Variants in MARK2 observed in about 807,000 individuals in gnomAD.
The protein encoded by MARK2 is serine/threonine-protein kinase MARK2.
A neutral mutation model predicts 89.8 loss-of-function variants in MARK2; 16 were observed. That is an observed-to-expected ratio of 0.18 (90% confidence interval 0.12 to 0.27). The LOEUF (loss-of-function observed/expected upper bound fraction) is 0.27. MARK2 is among the 10% of genes least tolerant of loss of function. The pLI is 1.00. For missense variants in MARK2, 621 were observed against 1,049.9 expected, an observed-to-expected ratio of 0.59 and a Z score of 5.65; for synonymous variants, 382 against 399.5, an observed-to-expected ratio of 0.96 and a Z score of 0.52.
intron 1 of MARK2, among the ~76,000 whole-genome samples, chr11:63,843,500 A>G (rs1189329440): frequency 6.6e-6 from 1 of 152,184 alleles, no homozygotes; most frequent in Non-Finnish European, 1.5e-5. Flanking sequence ...AGTTCTAGGA[A>G]GGGGAGTTTA....
At chr11:63,863,904 G>T (rs1418693644) in intron 1 of MARK2, among the ~76,000 whole-genome samples, 1 of 151,928 alleles carries the variant, frequency 6.6e-6, no homozygotes, top group Non-Finnish European at 1.5e-5. Context: ...TGAGCACCTG[G>T]GGACTAATAG....
intron 1 of MARK2, among the ~76,000 whole-genome samples, chr11:63,886,794 T>C (rs988086194): frequency 5.9e-5 from 9 of 152,250 alleles, no homozygotes; most frequent in South Asian, 2.1e-4. Context: ...CAGTGCTTTG[T>C]ATTTCCTCAG....
chr11:63,849,069 A>G (rs555208288), intron 1 of MARK2, among the ~76,000 whole-genome samples: 16 of 152,182 alleles, frequency 1.1e-4, no homozygotes, highest in African/African-American at 3.6e-4. Flanking sequence ...CAGTGGTGTG[A>G]TCATAGCCCA....
chr11:63,846,787 C>G lies in MARK2; in HGVS notation c.54+7227C>G, dbSNP rs374922437. Among the ~76,000 whole-genome samples the G allele has an allele frequency of 1.4e-3, 216 of 152,054 alleles. 1 individual carries two copies. The highest frequency in any genetic ancestry group is 4.9e-3 in the African/African-American group (203 of 41,450). ...TCTCCTGCCTCAGCCTCCCGAGTAG[C>G]TGGGACTACAGGTGCCCGCCACCAC... On this transcript the variant is annotated intron_variant, in intron 1 of 18. Coordinates refer to ENST00000402010, the MANE Select transcript of MARK2 (RefSeq NM_001039469.3).
At chr11:63,894,330 A>T (rs1940170675) in intron 1 of MARK2, among the ~76,000 whole-genome samples, 1 of 152,222 alleles carries the variant, frequency 6.6e-6, no homozygotes, top group South Asian at 2.1e-4. Flanking sequence ...TTCGTCTCCT[A>T]CGCGGGAGAC....
chr11:63,906,581 AG>A (rs1941355955), intron 17 of MARK2, among the ~76,000 whole-genome samples: 1 of 148,092 alleles, frequency 6.8e-6, no homozygotes, highest in Non-Finnish European at 1.5e-5. Flanking sequence ...AGGAAGCTCC[AG>A]GGTTACAAGT....
At chr11:63,845,685 C>T (rs111769493) in intron 1 of MARK2, among the ~76,000 whole-genome samples, 2 of 152,264 alleles carry the variant, frequency 1.3e-5, no homozygotes, top group African/African-American at 4.8e-5. Flanking sequence ...GTTACTGCCA[C>T]CCGCCCCCTT....
intron 1 of MARK2, among the ~76,000 whole-genome samples, chr11:63,858,815 A>G (rs927485586): frequency 3.9e-5 from 6 of 152,170 alleles, no homozygotes; most frequent in Non-Finnish European, 7.3e-5. Context: ...ATTACTTGCT[A>G]TGACCTCATA....
intron 1 of MARK2, among the ~76,000 whole-genome samples, chr11:63,858,041 T>C (rs564613125): frequency 6.6e-6 from 1 of 151,978 alleles, no homozygotes; most frequent in Non-Finnish European, 1.5e-5. Context: ...TTGTTTTGTT[T>C]TTTGAGATGG....
Position 63,904,292 on chromosome 11 carries a change from G to A in MARK2, c.1676+145G>A. ...AAATGGGTCTGTCCCCTGCGGCCAG[G>A]AAGTGGAGGGAACAAAAAAGAGCAT... On this transcript the variant is annotated intron_variant, in intron 15 of 18. Coordinates refer to ENST00000402010, the MANE Select transcript of MARK2 (RefSeq NM_001039469.3). This position sits in a 1 kb window ranked among gnomAD's most constrained non-coding sequence, Gnocchi z 6.3. 1 of 663,984 alleles carries A rather than the reference G, an allele frequency of 1.5e-6. No homozygotes were observed. The highest frequency in any genetic ancestry group is 2.5e-6 in the Non-Finnish European group (1 of 408,142). The allele number at this position is 663,984 out of a possible 1,614,324, so 41.1% of individuals were successfully genotyped here.
chr11:63,885,247 C>G (rs1222509808), intron 1 of MARK2, among the ~76,000 whole-genome samples: 33 of 152,034 alleles, frequency 2.2e-4, no homozygotes, highest in Admixed American at 2.2e-3. Context: ...TCTTAAGAGA[C>G]AAAGTCTTGT....
At chr11:63,857,150 TTTTC>T (rs1241113850) in intron 1 of MARK2, among the ~76,000 whole-genome samples, 3 of 150,974 alleles carry the variant, frequency 2.0e-5, no homozygotes, top group African/African-American at 4.9e-5. Context: ...TTTTTGTTCG[TTTTC>T]TTTCTTTAAT....
rs771648688 is a variant in MARK2 at position 63,888,983 on chromosome 11, T to C, written c.55-6176T>C. The C allele has an allele frequency of 2.0e-5, 27 of 1,347,678 alleles. 1 individual carries two copies. The African/African-American group carries it at 3.7e-4, about 18-fold the overall frequency. The allele number at this position is 1,347,678 out of a possible 1,614,324, so 83.5% of individuals were successfully genotyped here. A position where few individuals can be genotyped will look rare whatever the true frequency, so the allele number is the denominator to read the frequency against. ...CAGTCGGGTATGTTGTCCCCCTTTT[T>C]ACTCTAGGATTGCCTCCTCCTCTTT... is the stretch of plus-strand genomic sequence containing the variant. On this transcript the variant is annotated intron_variant, in intron 1 of 18. Coordinates refer to ENST00000402010, the MANE Select transcript of MARK2 (RefSeq NM_001039469.3).
intron 1 of MARK2, among the ~76,000 whole-genome samples, chr11:63,859,218 A>G (rs2135233401): frequency 6.6e-6 from 1 of 152,178 alleles, no homozygotes; most frequent in South Asian, 2.1e-4. Context: ...CTAAGGCCAG[A>G]CACTCAATAG....
At chr11:63,896,856 G>C (rs1940449380) in intron 3 of MARK2, among the ~76,000 whole-genome samples, 1 of 152,140 alleles carries the variant, frequency 6.6e-6, no homozygotes, top group Non-Finnish European at 1.5e-5. Flanking sequence ...CTTGGGAGCA[G>C]TCTAGCCTGC....
At chr11:63,876,694 G>A (rs1190525106) in intron 1 of MARK2, among the ~76,000 whole-genome samples, 1 of 140,648 alleles carries the variant, frequency 7.1e-6, no homozygotes, top group African/African-American at 2.5e-5. Flanking sequence ...GGTAGGAGCT[G>A]TATTCCTCTT....
At chr11:63,881,280 G>C (rs1409394538) in intron 1 of MARK2, among the ~76,000 whole-genome samples, 1 of 152,120 alleles carries the variant, frequency 6.6e-6, no homozygotes. Flanking sequence ...ACTCCAGCCT[G>C]GATGGCCAGA....
intron 1 of MARK2, among the ~76,000 whole-genome samples, chr11:63,872,198 G>A (rs4980505): frequency 0.48 from 73,135 of 152,040 alleles, 19,861 homozygotes; most frequent in East Asian, 0.88. Flanking sequence ...TGGCAGCCTT[G>A]GGCTGTGTTC....
chr11:63,856,815 T>TCTCTCTCG lies in MARK2; in HGVS notation c.54+17271_54+17278dup, dbSNP rs571210661. On this transcript the variant is annotated intron_variant, in intron 1 of 18. Coordinates refer to ENST00000402010, the MANE Select transcript of MARK2 (RefSeq NM_001039469.3). ...TTTTTTTTTTTTTTTTGAGACAAAG[T>TCTCTCTCG]CTCTCTCGCTCTCTCGCTCTCTCAC... Among the ~76,000 whole-genome samples the TCTCTCTCG allele has an allele frequency of 7.1e-4, 87 of 123,204 alleles. No homozygotes were observed. The East Asian group carries it at 0.021, about 30-fold the overall frequency. 80.8% of individuals were successfully genotyped at this position (123,204 alleles called of 152,430 possible). A position where few individuals can be genotyped will look rare whatever the true frequency, so the allele number is the denominator to read the frequency against.
Sources: allele counts gnomAD v4.1 joint callset (sites outside exome capture counted in the v4.1 genomes callset), GRCh38; gene constraint gnomAD v4.1.1; non-coding constraint Gnocchi (gnomAD v3.1); transcripts MANE v1.5; gene names NCBI Gene and HGNC (gene_info 2026-07-23, HGNC 2026-07-21).